Variants in NLGN1 observed in about 807,000 individuals in gnomAD.
The protein encoded by NLGN1 is neuroligin 1, also known as neuroligin-1.
A neutral mutation model predicts 65.5 loss-of-function variants in NLGN1; 12 were observed. The ratio of observed to expected loss-of-function variants is 0.18; its 90% CI spans 0.12 to 0.30. NLGN1 has a LOEUF of 0.30. Among genes scored for constraint, NLGN1 ranks in the 10% least tolerant of loss-of-function variants. The pLI, the probability that NLGN1 is intolerant of heterozygous loss-of-function variation, is 1.00. For synonymous variants in NLGN1, 350 were observed against 359.5 expected, an observed-to-expected ratio of 0.97 and a Z score of 0.30; for missense variants, 750 against 1,007.1, an observed-to-expected ratio of 0.74 and a Z score of 3.46.
At chr3:173,648,330 C>T (rs982408434) in intron 3 of NLGN1, among the ~76,000 whole-genome samples, 2 of 151,932 alleles carry the variant, frequency 1.3e-5, no homozygotes, top group Non-Finnish European at 2.9e-5. Context: ...AAATAAAAAC[C>T]AGTCAAAATA....
At chr3:173,961,582 G>A (rs985424913) in intron 4 of NLGN1, among the ~76,000 whole-genome samples, 8 of 151,984 alleles carry the variant, frequency 5.3e-5, no homozygotes, top group African/African-American at 1.9e-4. Flanking sequence ...ATTAGTGAAG[G>A]ACATGAGGCA....
chr3:173,562,759 CATCTT>C (rs781483064), intron 2 of NLGN1, among the ~76,000 whole-genome samples: 1 of 152,260 alleles, frequency 6.6e-6, no homozygotes. Flanking sequence ...TACTGGGTCT[CATCTT>C]ATCTGTTTAT....
intron 2 of NLGN1, among the ~76,000 whole-genome samples, chr3:173,521,031 A>G (rs1394415810): frequency 6.6e-6 from 1 of 152,200 alleles, no homozygotes; most frequent in Non-Finnish European, 1.5e-5. Flanking sequence ...GTAAGGCATT[A>G]TGGGCATTTA....
chr3:173,762,429 A>G (rs956972264), intron 3 of NLGN1, among the ~76,000 whole-genome samples: 3 of 152,124 alleles, frequency 2.0e-5, no homozygotes. Context: ...GAAATGGAGA[A>G]CAAAATATTT....
At position 173,965,770 on chromosome 3, in the gene NLGN1, C is replaced by T. The variant is rs548108619; in HGVS notation, c.646+157938C>T. Among the ~76,000 whole-genome samples, 3 of 152,106 alleles carry T rather than the reference C, an allele frequency of 2.0e-5. No homozygotes were observed. In the South Asian group the frequency reaches 6.2e-4, roughly 32 times the overall value. ...GTTGAACACAAGTACTTATCTTTCT[C>T]TGAAATAAAGGTGCATTTGCCACAC... On this transcript the variant is annotated intron_variant, in intron 4 of 6. Coordinates refer to ENST00000457714, the Ensembl canonical transcript of NLGN1.
At chr3:173,717,277 T>A (rs987967173) in intron 3 of NLGN1, among the ~76,000 whole-genome samples, 1 of 152,196 alleles carries the variant, frequency 6.6e-6, no homozygotes, top group Non-Finnish European at 1.5e-5. Context: ...GATTTTAATA[T>A]GATTGAAAAT....
At chr3:173,922,877 A>G (rs1187227328) in intron 4 of NLGN1, among the ~76,000 whole-genome samples, 4 of 152,086 alleles carry the variant, frequency 2.6e-5, no homozygotes, top group African/African-American at 9.7e-5. Context: ...TAAACTCTTT[A>G]TTCTTCAGTT....
chr3:173,752,625 C>G (rs905791716), intron 3 of NLGN1, among the ~76,000 whole-genome samples: 4 of 152,060 alleles, frequency 2.6e-5, no homozygotes, highest in Non-Finnish European at 5.9e-5. Flanking sequence ...AATTCCCTTA[C>G]TCCTCTCTCT....
intron 4 of NLGN1, among the ~76,000 whole-genome samples, chr3:174,211,207 G>A (rs1036869238): frequency 2.6e-5 from 4 of 152,220 alleles, no homozygotes; most frequent in Non-Finnish European, 4.4e-5. Context: ...AGCTTCCGCA[G>A]TGTGGAAGGG....
chr3:173,913,305 G>A (rs1233672798), intron 4 of NLGN1, among the ~76,000 whole-genome samples: 1 of 152,138 alleles, frequency 6.6e-6, no homozygotes, highest in Non-Finnish European at 1.5e-5. Flanking sequence ...GTTCGCCTTT[G>A]GAATGCATTT....
intron 4 of NLGN1, among the ~76,000 whole-genome samples, chr3:173,926,480 T>TA (rs1373249877): frequency 6.6e-6 from 1 of 152,186 alleles, no homozygotes. Flanking sequence ...ATCCCAATCT[T>TA]ACTTCCCACT....
chr3:173,970,388 G>T (rs771088960), intron 4 of NLGN1, among the ~76,000 whole-genome samples: 8 of 152,068 alleles, frequency 5.3e-5, no homozygotes, highest in Non-Finnish European at 7.4e-5. Flanking sequence ...TCAGGTGAAG[G>T]GCATTTTAGC....
chr3:174,168,535 T>G (rs1727950742), intron 4 of NLGN1, among the ~76,000 whole-genome samples: 1 of 151,584 alleles, frequency 6.6e-6, no homozygotes, highest in Non-Finnish European at 1.5e-5. Flanking sequence ...GGCTTTATAT[T>G]GGCTATTGGG....
intron 4 of NLGN1, among the ~76,000 whole-genome samples, chr3:173,997,098 A>G (rs576898686): frequency 9.8e-5 from 15 of 152,316 alleles, no homozygotes; most frequent in African/African-American, 3.1e-4. Context: ...GCCAATTATT[A>G]TACTGTGAAA....
chr3:173,706,569 C>G (rs1035590451), intron 3 of NLGN1, among the ~76,000 whole-genome samples: 4 of 152,138 alleles, frequency 2.6e-5, no homozygotes, highest in South Asian at 2.1e-4. Flanking sequence ...CTTTTATGTT[C>G]TGTGTTTCTC....
chr3:174,017,860 C>T (rs757445564), intron 4 of NLGN1, among the ~76,000 whole-genome samples: 7 of 152,070 alleles, frequency 4.6e-5, no homozygotes, highest in Admixed American at 1.3e-4. Flanking sequence ...AATGAAGTTT[C>T]GGGCACGTGT....
intron 3 of NLGN1, among the ~76,000 whole-genome samples, chr3:173,698,990 G>A (rs1213141788): frequency 2.0e-5 from 3 of 152,024 alleles, no homozygotes; most frequent in African/African-American, 7.3e-5. Context: ...CCGAGTAGCT[G>A]GGATTACACG....
chr3:173,417,313 A>T (rs1348831365), intron 1 of NLGN1, among the ~76,000 whole-genome samples: 7 of 151,922 alleles, frequency 4.6e-5, no homozygotes, highest in Non-Finnish European at 1.0e-4. Context: ...GGTCTTTTTC[A>T]ATTTTAAGAC....
intron 2 of NLGN1, among the ~76,000 whole-genome samples, chr3:173,533,136 G>C (rs1390273976): frequency 6.6e-6 from 1 of 152,072 alleles, no homozygotes; most frequent in Non-Finnish European, 1.5e-5. Flanking sequence ...TTAATCTTTA[G>C]AACAACCTTA....
Sources: allele counts gnomAD v4.1 joint callset (sites outside exome capture counted in the v4.1 genomes callset), GRCh38; gene constraint gnomAD v4.1.1; transcripts MANE v1.5; gene names NCBI Gene and HGNC (gene_info 2026-07-23, HGNC 2026-07-21).